NFIB: variants seen among roughly 807,000 people sequenced by gnomAD.
NFIB encodes nuclear factor I B.
NFIB carries 11 observed loss-of-function variants against 61.5 expected under a neutral mutation model. The observed-to-expected ratio is 0.18, with a 90% CI of 0.11 to 0.30. NFIB has a LOEUF of 0.30. Ranked by LOEUF, NFIB falls within the 10% of genes least tolerant of loss-of-function variation. The probability of loss-of-function intolerance (pLI) is 1.00; values close to 1 mark genes in which losing one functional copy is unlikely to be tolerated. For missense variants in NFIB, 471 were observed against 608.9 expected (o/e 0.77, Z 2.38); for synonymous variants, 260 against 216.5 (o/e 1.20, Z -1.76).
At chr9:14,248,432 G>A (rs748274773) in intron 2 of NFIB, among the ~76,000 whole-genome samples, 2 of 151,688 alleles carry the variant, frequency 1.3e-5, no homozygotes, top group Non-Finnish European at 2.9e-5. Context: ...CACCATGTCG[G>A]ACTAATCTTT....
the NFIB span, among the ~76,000 whole-genome samples, chr9:14,484,561 T>C: frequency 2.8e-4 from 43 of 152,272 alleles, no homozygotes; most frequent in Admixed American, 1.2e-3. Context: ...GAGAAATAAA[T>C]AAATATAGCA....
At chr9:14,190,600 C>G (rs2047841760) in intron 2 of NFIB, among the ~76,000 whole-genome samples, 1 of 151,998 alleles carries the variant, frequency 6.6e-6, no homozygotes, top group Non-Finnish European at 1.5e-5. Flanking sequence ...CATCATTGAA[C>G]CAACATTTTT....
At position 14,307,079 on chromosome 9, in the gene NFIB, T is replaced by C; in HGVS notation, c.472A>G (p.Thr158Ala). ...GERLMKSPHC[T>A]NPALCVQPHH... ...GGCTGGACACAAAGTGCTGGGTTTG[T>C]GCAATGTGGGGATTTCATGAGCCGC... is the stretch of plus-strand genomic sequence containing the variant. Residue 158 changes from threonine (T) to alanine (A), a missense_variant, in exon 2 of 11, where the codon ACA becomes GCA. By Grantham distance (58) the Thr-to-Ala change is moderately conservative. Coordinates refer to ENST00000380953, the MANE Select transcript of NFIB (RefSeq NM_001190737.2). The surrounding 1 kb of genome is among the most constrained non-coding windows in gnomAD (Gnocchi z 5.3). 6.2e-7 allele frequency: 1 copy of C among 1,614,172 alleles called. No individual in the cohort carries two copies. The highest frequency in any genetic ancestry group is 8.5e-7 in the Non-Finnish European group (1 of 1,180,030).
intron 2 of NFIB, among the ~76,000 whole-genome samples, chr9:14,293,737 C>G (rs1408074868): frequency 1.3e-5 from 2 of 152,124 alleles, no homozygotes; most frequent in Non-Finnish European, 2.9e-5. Context: ...CACAAGTTCA[C>G]AAGATATTAA....
intron 1 of NFIB, among the ~76,000 whole-genome samples, chr9:14,380,435 G>A (rs887784803): frequency 3.3e-5 from 5 of 152,088 alleles, no homozygotes; most frequent in Non-Finnish European, 5.9e-5. Flanking sequence ...AAAATGTATC[G>A]GCACAGGTTA....
rs373449609 is a variant in NFIB, at chr9:14,366,728, C to A, written c.108+31796G>T. Among the ~76,000 whole-genome samples, 14 of 152,292 alleles carry A rather than the reference C, an allele frequency of 9.2e-5. No homozygotes were observed. In the East Asian group the frequency reaches 2.5e-3, roughly 27 times the overall value. Reference sequence around the variant, plus strand: ...CTCGAACTCCTGACCTCTTGATGTGCCTGCCTCGGCCTCCCAAAGTGTTGG... The same window carrying A: ...CTCGAACTCCTGACCTCTTGATGTGACTGCCTCGGCCTCCCAAAGTGTTGG... On this transcript the variant is annotated intron_variant, in intron 1 of 8. Coordinates refer to the NFIB transcript ENST00000380934.
At chr9:14,500,676 G>A in the NFIB span, among the ~76,000 whole-genome samples, 1 of 152,134 alleles carries the variant, frequency 6.6e-6, no homozygotes, top group African/African-American at 2.4e-5. Context: ...AACTCAATAA[G>A]TATTTCTTGA....
At chr9:14,266,458 T>G (rs2057207965) in intron 2 of NFIB, among the ~76,000 whole-genome samples, 1 of 151,904 alleles carries the variant, frequency 6.6e-6, no homozygotes, top group Non-Finnish European at 1.5e-5. Flanking sequence ...AGCAGGGTAT[T>G]GTGTCCCATG....
At chr9:14,405,613 C>CAA in the NFIB span, among the ~76,000 whole-genome samples, 3 of 151,546 alleles carry the variant, frequency 2.0e-5, no homozygotes, top group African/African-American at 7.3e-5. Context: ...TAGCAATTTC[C>CAA]AAAAAAAATG....
At chr9:14,462,438 A>G in the NFIB span, among the ~76,000 whole-genome samples, 1 of 151,280 alleles carries the variant, frequency 6.6e-6, no homozygotes, top group Non-Finnish European at 1.5e-5. Context: ...ACCCGCCACC[A>G]CGCCCGGCTA....
the NFIB span, among the ~76,000 whole-genome samples, chr9:14,423,069 A>C: frequency 6.6e-6 from 1 of 152,228 alleles, no homozygotes; most frequent in Admixed American, 6.5e-5. Context: ...TTGTAAAAAA[A>C]AGTATGCCCA....
At chr9:14,250,130 C>A (rs534613129) in intron 2 of NFIB, among the ~76,000 whole-genome samples, 1 of 152,166 alleles carries the variant, frequency 6.6e-6, no homozygotes, top group Non-Finnish European at 1.5e-5. Flanking sequence ...AAGGTTATCA[C>A]GCAGGATTTT....
At chr9:14,502,515 T>C in the NFIB span, among the ~76,000 whole-genome samples, 1 of 152,176 alleles carries the variant, frequency 6.6e-6, no homozygotes, top group Non-Finnish European at 1.5e-5. Context: ...CAAACATCAC[T>C]GGATTCCACT....
chr9:14,090,709 C>G (rs1162078612), intron 10 of NFIB, among the ~76,000 whole-genome samples: 1 of 151,988 alleles, frequency 6.6e-6, no homozygotes, highest in Non-Finnish European at 1.5e-5. Context: ...CAGTAAAATA[C>G]AATGTCAACA....
intron 1 of NFIB, among the ~76,000 whole-genome samples, chr9:14,325,798 A>G (rs2060745303): frequency 6.6e-6 from 1 of 152,128 alleles, no homozygotes; most frequent in African/African-American, 2.4e-5. Flanking sequence ...AACATATACC[A>G]TCTTTTAAAA....
chr9:14,455,164 T>C, the NFIB span, among the ~76,000 whole-genome samples: 1 of 152,152 alleles, frequency 6.6e-6, no homozygotes. Context: ...TTAATAGAGA[T>C]ATGTAATGGA....
At chr9:14,260,578 C>T (rs971369952) in intron 2 of NFIB, among the ~76,000 whole-genome samples, 24 of 152,144 alleles carry the variant, frequency 1.6e-4, no homozygotes, top group African/African-American at 5.8e-4. Flanking sequence ...TTTGATTTCC[C>T]ATGGAAGACA....
At chr9:14,279,091 G>A (rs2058198522) in intron 2 of NFIB, among the ~76,000 whole-genome samples, 1 of 152,066 alleles carries the variant, frequency 6.6e-6, no homozygotes, top group South Asian at 2.1e-4. Flanking sequence ...CAGAGAGAGT[G>A]TGCCTACAAT....
intron 2 of NFIB, among the ~76,000 whole-genome samples, chr9:14,196,722 C>T (rs1366422379): frequency 6.7e-6 from 1 of 150,158 alleles, no homozygotes. Context: ...CTAAGTTCAT[C>T]ACTCCTACCC....
Sources: allele counts gnomAD v4.1 joint callset (sites outside exome capture counted in the v4.1 genomes callset), GRCh38; gene constraint gnomAD v4.1.1; non-coding constraint Gnocchi (gnomAD v3.1); transcripts MANE v1.5; gene names NCBI Gene and HGNC (gene_info 2026-07-23, HGNC 2026-07-21).